Variants in CASKIN1 observed in about 807,000 individuals in gnomAD.
CASKIN1 encodes the protein caskin-1.
A neutral mutation model predicts 117.5 loss-of-function variants in CASKIN1; 42 were observed. That is an observed-to-expected ratio of 0.36 (90% CI 0.28 to 0.46). CASKIN1 has a LOEUF of 0.46. CASKIN1 is among the 20% of genes least tolerant of loss of function. The pLI, the probability that CASKIN1 is intolerant of heterozygous loss-of-function variation, is 1.00. For synonymous variants in CASKIN1, 1,148 were observed against 961.7 expected, an observed-to-expected ratio of 1.19 and a Z score of -3.59; for missense variants, 2,083 against 2,077.3, an observed-to-expected ratio of 1.00 and a Z score of -0.05.
At position 2,183,656 on chromosome 16, in the gene CASKIN1, T is replaced by C; in HGVS notation, c.1619A>G (p.Glu540Gly). 2 of 1,613,124 alleles carry C rather than the reference T, an allele frequency of 1.2e-6. No homozygotes were observed. The highest frequency in any genetic ancestry group is 1.7e-6 in the Non-Finnish European group (2 of 1,179,918). The change falls in exon 16 of 20, where the codon GAG becomes GGG. Residue 540 changes from glutamate (E) to glycine (G), a missense_variant. Around this residue, in one of 3 missense-constraint regions of CASKIN1, gnomAD observed 1,818 missense variants for 1,688.9 expected, o/e 1.08. Coordinates refer to ENST00000343516, the MANE Select transcript of CASKIN1 (RefSeq NM_020764.4). ...SGLSIPDWLPEHKPANLAVWL... is the reference protein window; with the variant it reads ...SGLSIPDWLPGHKPANLAVWL... ...TGCAGGTGGCCTTACGGGTTTGTGC[T>C]CAGGCAGCCAGTCAGGGATGCTTAG...
chr16:2,185,332 G>A lies in CASKIN1; in HGVS notation c.1125C>T (p.Ile375=). ...SSGPSAPPEE[I]WVLRKPFAGG... Reference sequence around the variant, plus strand: ...CTGCAAAAGGCTTCCTCAGCACCCAGATCTCCTCTGGGGGTGCAGAGGGTC... The same window carrying A: ...CTGCAAAAGGCTTCCTCAGCACCCAAATCTCCTCTGGGGGTGCAGAGGGTC... The change falls in exon 11 of 20, where the codon ATC becomes ATT. Residue 375 remains isoleucine, a synonymous_variant. Coordinates refer to ENST00000343516, the MANE Select transcript of CASKIN1 (RefSeq NM_020764.4). 1 of 1,605,880 alleles carries A rather than the reference G, an allele frequency of 6.2e-7. No homozygotes were observed. The highest frequency in any genetic ancestry group is 8.5e-7 in the Non-Finnish European group (1 of 1,174,408).
Position 2,191,553 on chromosome 16 carries a change from G to A in CASKIN1, c.95-1195C>T, listed in dbSNP as rs147564727. 2.5e-3 allele frequency among the ~76,000 whole-genome samples: 376 copies of A among 152,306 alleles called. 4 individuals carry two copies. Among genetic ancestry groups the A allele is most frequent in the African/African-American group, 8.4e-3 (351 of 41,556 alleles). ...ATAAAGCGTGCGCGGCCTGGCACAAGTCAGGACTCGGTGCATGGCGATTAC... is the reference window on the plus strand; with the variant it reads ...ATAAAGCGTGCGCGGCCTGGCACAAATCAGGACTCGGTGCATGGCGATTAC... On this transcript the variant is annotated intron_variant, in intron 1 of 19. Transcript: ENST00000343516.
At chr16:2,183,591 C>A in intron 16 of CASKIN1, 55 bp downstream of exon 16, 1 of 1,559,212 alleles carries the variant, frequency 6.4e-7, no homozygotes, top group Non-Finnish European at 8.8e-7. Context: ...GGTTCTCTGT[C>A]TGTCTGTCTG....
intron 1 of CASKIN1, among the ~76,000 whole-genome samples, chr16:2,192,335 G>C (rs35143614): frequency 1.3e-5 from 2 of 151,584 alleles, no homozygotes; most frequent in African/African-American, 2.4e-5. Context: ...ACATGAATCA[G>C]ATCTTGCCAC....
Position 2,178,462 on chromosome 16 carries a change from G to A in CASKIN1, c.*88C>T. The A allele has an allele frequency of 2.8e-6, 3 of 1,081,886 alleles. No individual in the cohort carries two copies. The highest frequency in any genetic ancestry group is 1.7e-5 in the African/African-American group (1 of 59,642). 67.0% of individuals were successfully genotyped at this position (1,081,886 alleles called of 1,614,324 possible). A position where few individuals can be genotyped will look rare whatever the true frequency, so the allele number is the denominator to read the frequency against. On this transcript the variant is annotated 3_prime_UTR_variant, in exon 20 of 20. Transcript: ENST00000343516. ...TCTGCAGGGCCCTGCCCGGCCGCTCGCGCCGCGCCCAGACGCGCCCATCCT... is the reference window on the plus strand; with the variant it reads ...TCTGCAGGGCCCTGCCCGGCCGCTCACGCCGCGCCCAGACGCGCCCATCCT...
chr16:2,193,904 G>C (rs1429630004), intron 1 of CASKIN1, among the ~76,000 whole-genome samples: 1 of 152,236 alleles, frequency 6.6e-6, no homozygotes, highest in African/African-American at 2.4e-5. Flanking sequence ...CCTGGGGCTG[G>C]GGGCTGTTTT....
At chr16:2,192,868 G>A (rs925011667) in intron 1 of CASKIN1, among the ~76,000 whole-genome samples, 2 of 152,246 alleles carry the variant, frequency 1.3e-5, no homozygotes. Flanking sequence ...GCCCCGCGCA[G>A]CTGAGGTGCT....
In CASKIN1 at chr16:2,186,999, C is replaced by T. The variant is rs778851972; in HGVS notation, c.909G>A (p.Val303=). The T allele has an allele frequency of 6.2e-7, 1 of 1,613,762 alleles. No homozygotes were observed. Among genetic ancestry groups the T allele is most frequent in the African/African-American group, 1.3e-5 (1 of 74,912 alleles). Reference sequence around the variant, plus strand: ...TTACTGTGATGATGTCCCCTGCCTTCACGTTGAGGCTGGTCAGGTCGTAAT... The same window carrying T: ...TTACTGTGATGATGTCCCCTGCCTTTACGTTGAGGCTGGTCAGGTCGTAAT... The part of the protein sequence containing the change: ...CNNYDLTSLN[V]KAGDIITVLE... Residue 303 remains valine, a synonymous_variant, in exon 9 of 20, where the codon GTG becomes GTA. Coordinates refer to ENST00000343516, the MANE Select transcript of CASKIN1 (RefSeq NM_020764.4).
intron 6 of CASKIN1, among the ~76,000 whole-genome samples, chr16:2,188,130 TGCGTCA>T (rs2093190438): frequency 6.7e-6 from 1 of 149,080 alleles, no homozygotes; most frequent in African/African-American, 2.5e-5. Flanking sequence ...CCTGGGCTCC[TGCGTCA>T]GCCTCCCAAA....
In CASKIN1 at chr16:2,179,405, T is replaced by C; in HGVS notation, c.3776-80A>G. 1 of 1,306,728 alleles carries C rather than the reference T, an allele frequency of 7.7e-7. No individual in the cohort carries two copies. The highest frequency in any genetic ancestry group is 2.5e-5 in the South Asian group (1 of 39,950). The allele number at this position is 1,306,728 out of a possible 1,614,324, so 80.9% of individuals were successfully genotyped here. On this transcript the variant is annotated intron_variant, in intron 18 of 19. Transcript: ENST00000343516. This position sits in a 1 kb window ranked among gnomAD's most constrained non-coding sequence, Gnocchi z 5.8. ...CCTGCCCCAGCCTCCCGCGGCTTCC[T>C]CCCCAGCGGACCGGGAAAGACCCTG...
In CASKIN1 at chr16:2,178,601, G is replaced by T; in HGVS notation, c.4245C>A (p.Ile1415=). The stretch of plus-strand genomic sequence containing the variant: ...CGGCCAGGTCGTCGAACATGCTGCC[G>T]ATGTCGTCCAGGATGCTGCCAGTGC... ...EKSTGSILDD[I]GSMFDDLADQ... is the part of the protein sequence containing the mutation. Residue 1415 remains isoleucine, a synonymous_variant, in exon 20 of 20, where the codon ATC becomes ATA. Transcript: ENST00000343516. 6.3e-7 allele frequency: 1 copy of T among 1,597,584 alleles called. No homozygotes were observed.
intron 10 of CASKIN1, 50 bp from the exon 11 acceptor site, chr16:2,185,458 C>G (rs372901441): frequency 6.8e-7 from 1 of 1,476,500 alleles, no homozygotes; most frequent in Non-Finnish European, 9.2e-7. Context: ...ATGGCGGGTA[C>G]TGACGCAGGG....
intron 16 of CASKIN1, among the ~76,000 whole-genome samples, chr16:2,183,055 G>A (rs2093172966): frequency 6.6e-6 from 1 of 152,234 alleles, no homozygotes; most frequent in Non-Finnish European, 1.5e-5. Flanking sequence ...CCAAAGTGCT[G>A]GGATTACAGG....
Position 2,181,903 on chromosome 16 carries a change from C to G in CASKIN1, c.1656G>C (p.Met552Ile). ...KPANLAVWLS[M>I]IGLAQYYKVL... ...CCTTGTAGTACTGGGCCAGGCCGAT[C>G]ATGGACAGCCACACGGCCAGGTTAG... is the stretch of plus-strand genomic sequence containing the variant. The change falls in exon 17 of 20, where the codon ATG (methionine) becomes ATC (isoleucine). Residue 552 changes from methionine to isoleucine, a missense_variant. Met to Ile is a conservative substitution (Grantham distance 10). Transcript: ENST00000343516. 6.2e-7 allele frequency: 1 copy of G among 1,613,708 alleles called. No homozygotes were observed. The highest frequency in any genetic ancestry group is 8.5e-7 in the Non-Finnish European group (1 of 1,179,992).
In CASKIN1 at chr16:2,185,053, C is replaced by G; in HGVS notation, c.1240-18G>C. The G allele has an allele frequency of 6.2e-7, 1 of 1,606,658 alleles. No individual in the cohort carries two copies. ...GCCAGGAGCTGCAACCCAGAAACCCCGGCTTGTCACCTGCTCCCAGCCCTG... is the reference window on the plus strand; with the variant it reads ...GCCAGGAGCTGCAACCCAGAAACCCGGGCTTGTCACCTGCTCCCAGCCCTG... On this transcript the variant is annotated intron_variant, in intron 12 of 19. Coordinates refer to ENST00000343516, the MANE Select transcript of CASKIN1 (RefSeq NM_020764.4).
In CASKIN1 at chr16:2,189,579, G is replaced by GA; in HGVS notation, c.245-16dup. 6.3e-7 allele frequency: 1 copy of GA among 1,587,492 alleles called. No individual in the cohort carries two copies. Among genetic ancestry groups the GA allele is most frequent in the Non-Finnish European group, 8.5e-7 (1 of 1,169,816 alleles). ...CGGCCGCATGCCTGGGGGGCGAGGG[G>GA]ATGCTGGGAGCTGACCCTTGACCCC... is the stretch of plus-strand genomic sequence containing the variant. On this transcript the variant is annotated splice_polypyrimidine_tract_variant and intron_variant, in intron 3 of 19. Coordinates refer to ENST00000343516, the MANE Select transcript of CASKIN1 (RefSeq NM_020764.4).
chr16:2,194,059 G>C (rs567807599), intron 1 of CASKIN1, among the ~76,000 whole-genome samples: 2 of 152,122 alleles, frequency 1.3e-5, no homozygotes, highest in African/African-American at 2.4e-5. Context: ...CCTTACCCCC[G>C]ACCAGCCCTC....
rs2093160610 is a variant in CASKIN1 at position 2,179,806 on chromosome 16, G to T, written c.3562C>A (p.Pro1188Thr). Reference protein sequence around the residue: ...RRRPASEQAGPPELPPPPPPA... With the variant: ...RRRPASEQAGTPELPPPPPPA... ...GGGGGCGGTGGAGGCAGCTCCGGAGGCCCAGCCTGCTCCGAGGCCGGTCGG... is the reference window on the plus strand; with the variant it reads ...GGGGGCGGTGGAGGCAGCTCCGGAGTCCCAGCCTGCTCCGAGGCCGGTCGG... The change falls in exon 18 of 20, where the codon CCT (proline) becomes ACT (threonine). Residue 1188 changes from proline (P) to threonine (T), a missense_variant. Physicochemically the swap from Pro to Thr is conservative, Grantham distance 38 (BLOSUM62 -1). Around this residue, in one of 3 missense-constraint regions of CASKIN1, gnomAD observed 1,818 missense variants for 1,688.9 expected, o/e 1.08. Transcript: ENST00000343516. This position sits in a 1 kb window ranked among gnomAD's most constrained non-coding sequence, Gnocchi z 5.8. The T allele has an allele frequency of 6.3e-7, 1 of 1,580,980 alleles. No homozygotes were observed. Among genetic ancestry groups the T allele is most frequent in the East Asian group, 2.3e-5 (1 of 43,314 alleles).
In CASKIN1 at chr16:2,181,143, G is replaced by A. The variant is rs1303539498; in HGVS notation, c.2225C>T (p.Ala742Val). The A allele has an allele frequency of 6.7e-7, 1 of 1,485,076 alleles. No homozygotes were observed. The highest frequency in any genetic ancestry group is 8.9e-7 in the Non-Finnish European group (1 of 1,127,566). The allele number at this position is 1,485,076 out of a possible 1,614,324, so 92.0% of individuals were successfully genotyped here. A position where few individuals can be genotyped will look rare whatever the true frequency, so the allele number is the denominator to read the frequency against. The change falls in exon 18 of 20, where the codon GCC becomes GTC. Residue 742 changes from alanine to valine, a missense_variant. This residue lies in a region of CASKIN1 where 1,818 missense variants were observed against 1,688.9 expected (regional missense o/e 1.08). Coordinates refer to ENST00000343516, the MANE Select transcript of CASKIN1 (RefSeq NM_020764.4). ...GPAPGTPPREARPGRHGHSIK... is the reference protein window; with the variant it reads ...GPAPGTPPREVRPGRHGHSIK... Reference sequence around the variant, plus strand: ...GCTGTGGCCGTGGCGGCCGGGCCGGGCCTCCCTGGGCGGGGTGCCGGGGGC... The same window carrying A: ...GCTGTGGCCGTGGCGGCCGGGCCGGACCTCCCTGGGCGGGGTGCCGGGGGC...
Sources: gnomAD v4.1 joint callset for allele counts (sites outside exome capture counted in the v4.1 genomes callset) on GRCh38, gnomAD v4.1.1 for gene constraint, gnomAD v4.1.1 regional missense constraint, Gnocchi (gnomAD v3.1) non-coding constraint, MANE v1.5 for transcripts, NCBI Gene and HGNC (gene_info 2026-07-23, HGNC 2026-07-21) for gene names.